TTN: variants seen among roughly 807,000 people sequenced by gnomAD.
TTN encodes connectin.
TTN carries 1,525 observed loss-of-function variants against 3,223.0 expected under a neutral mutation model. The observed-to-expected ratio is 0.47, with a 90% CI of 0.45 to 0.49. The LOEUF is 0.49. TTN is among the 20% of genes least tolerant of loss of function. TTN has a pLI of 0.00. For synonymous variants in TTN, 14,094 were observed against 15,161.0 expected (o/e 0.93, Z 5.17); for missense variants, 40,786 against 43,424.0 (o/e 0.94, Z 5.40).
chr2:178,799,249 C>T, intron 6 of TTN: 1 of 562,816 alleles, frequency 1.8e-6, no homozygotes, highest in Non-Finnish European at 3.1e-6. Context: ...CACCCTATGC[C>T]TATAAAAACC....
At position 178,548,273 on chromosome 2, in the gene TTN, C is replaced by T. The variant is rs763830779; in HGVS notation, c.93353G>A (p.Arg31118Lys). ...GCTAGTATCAACAACATCAAGTCTC[C>T]TAGGTGGAGCAGGCTGTTCTGTGGC... ...IVATEQPAPP[R>K]RLDVVDTSKS... The change falls in exon 339 of 363, where the codon AGG (arginine) becomes AAG (lysine). Residue 31118 changes from arginine (R) to lysine (K), a missense_variant. Transcript: ENST00000589042. This position sits in a 1 kb window ranked among gnomAD's most constrained non-coding sequence, Gnocchi z 4.3. 1 of 1,613,832 alleles carries T rather than the reference C, an allele frequency of 6.2e-7. No individual in the cohort carries two copies. The highest frequency in any genetic ancestry group is 1.1e-5 in the South Asian group (1 of 91,084).
rs1401417355 is a variant in TTN at position 178,712,217 on chromosome 2, GTGGTTCTGCAGCCAAGAGAGATAA to G, written c.27608-19_27612del. On this transcript the variant is annotated splice_acceptor_variant and splice_polypyrimidine_tract_variant and coding_sequence_variant and intron_variant, in exon 96 of 363. Coordinates refer to ENST00000589042, the MANE Select transcript of TTN (RefSeq NM_001267550.2). LOFTEE classifies it high-confidence loss of function. ...GGCTCCAACTGCTTGACAAAATACG[GTGGTTCTGCAGCCAAGAGAGATAA>G]TCAATCAGTCATGAAGGAGACATGC... 6.2e-7 allele frequency: 1 copy of G among 1,612,696 alleles called. No homozygotes were observed. Among genetic ancestry groups the G allele is most frequent in the South Asian group, 1.1e-5 (1 of 90,988 alleles).
Position 178,636,408 on chromosome 2 carries a change from A to T in TTN, c.41319T>A (p.Leu13773=). 6.2e-7 allele frequency: 1 copy of T among 1,603,702 alleles called. No individual in the cohort carries two copies. The highest frequency in any genetic ancestry group is 8.5e-7 in the Non-Finnish European group (1 of 1,174,294). The change falls in exon 225 of 363, where the codon CTT becomes CTA. Residue 13773 remains leucine, a synonymous_variant. Coordinates refer to ENST00000589042, the MANE Select transcript of TTN (RefSeq NM_001267550.2). The surrounding 1 kb of genome is among the most constrained non-coding windows in gnomAD (Gnocchi z 4.3). ...AAGACTAGAAATTACCTTCTACAACAAGTTTAGCCGTGGAGGTCTTTTCTT... is the reference window on the plus strand; with the variant it reads ...AAGACTAGAAATTACCTTCTACAACTAGTTTAGCCGTGGAGGTCTTTTCTT... ...GNKEKTSTAK[L]VVEELPVRFV...
intron 247 of TTN, 33 bp downstream of exon 247, chr2:178,620,682 G>GA (rs754989313): frequency 6.2e-7 from 1 of 1,604,340 alleles, no homozygotes. Context: ...AGAAACTGAT[G>GA]AAAAAATCTC....
In TTN at chr2:178,717,384, T is replaced by G; in HGVS notation, c.25352-2A>C. The stretch of plus-strand genomic sequence containing the variant: ...CAAAGAAAGGAGGCACTTCATGCTC[T>G]GAAAAGAATGAAGACCAACATGGTG... On this transcript the variant is annotated splice_acceptor_variant, in intron 87 of 362. Transcript: ENST00000589042. LOFTEE classifies it high-confidence loss of function. The G allele has an allele frequency of 6.2e-7, 1 of 1,601,540 alleles. No individual in the cohort carries two copies. The highest frequency in any genetic ancestry group is 8.5e-7 in the Non-Finnish European group (1 of 1,172,026).
chr2:178,710,756 A>G lies in TTN; in HGVS notation c.28341T>C (p.Tyr9447=), dbSNP rs2076534032. The G allele has an allele frequency of 2.5e-6, 4 of 1,613,906 alleles. No individual in the cohort carries two copies. The highest frequency in any genetic ancestry group is 3.4e-6 in the Non-Finnish European group (4 of 1,179,836). ...CTGTCAGGTGGGCGCTGTTTTCCAGATAACTAATCTGGTACTTTCCGCCAC... is the reference window on the plus strand; with the variant it reads ...CTGTCAGGTGGGCGCTGTTTTCCAGGTAACTAATCTGGTACTTTCCGCCAC... The part of the protein sequence containing the change: ...IRSGGKYQIS[Y]LENSAHLTVL... The change falls in exon 98 of 363, where the codon TAT becomes TAC. Residue 9447 remains tyrosine (Y), a synonymous_variant. Coordinates refer to ENST00000589042, the MANE Select transcript of TTN (RefSeq NM_001267550.2).
rs764048936 is a variant in TTN, at chr2:178,580,328, C to A, written c.67051G>T (p.Val22351Leu). Reference sequence around the variant, plus strand: ...TTTTTTGAAATAGACTTACCAAGCACTTTCACAACAATGGTATATTCCTTT... The same window carrying A: ...TTTTTTGAAATAGACTTACCAAGCAATTTCACAACAATGGTATATTCCTTT... Reference protein sequence around the residue: ...GKKEYTIVVKVLDTPGPPVNV... With the variant: ...GKKEYTIVVKLLDTPGPPVNV... Residue 22351 changes from valine to leucine, a missense_variant, in exon 317 of 363, where the codon GTG becomes TTG. Val to Leu is a conservative substitution (Grantham distance 32, BLOSUM62 1). Transcript: ENST00000589042. 12 of 1,612,326 alleles carry A rather than the reference C, an allele frequency of 7.4e-6. No homozygotes were observed. The highest frequency in any genetic ancestry group is 8.5e-6 in the Non-Finnish European group (10 of 1,179,242).
chr2:178,578,125 G>T lies in TTN; in HGVS notation c.68390C>A (p.Pro22797Gln). The T allele has an allele frequency of 1.2e-6, 2 of 1,613,056 alleles. No homozygotes were observed. Among genetic ancestry groups the T allele is most frequent in the East Asian group, 2.2e-5 (1 of 44,774 alleles). ...CACTTTAAAGTCTCTCATCCTTATC[G>T]GAGTCTTGTTAGCTCTCTTCCACAA... Reference protein sequence around the residue: ...SLLWKRANKTPIRMRDFKVTG... With the variant: ...SLLWKRANKTQIRMRDFKVTG... Residue 22797 changes from proline to glutamine, a missense_variant, in exon 322 of 363, where the codon CCG (proline) becomes CAG (glutamine). Coordinates refer to ENST00000589042, the MANE Select transcript of TTN (RefSeq NM_001267550.2).
At position 178,572,463 on chromosome 2, in the gene TTN, C is replaced by T. The variant is rs747530483; in HGVS notation, c.73669G>A (p.Glu24557Lys). The change falls in exon 326 of 363, where the codon GAA becomes AAA. Residue 24557 changes from glutamate to lysine, a missense_variant. Glu to Lys is a moderately conservative substitution (Grantham distance 56). Coordinates refer to ENST00000589042, the MANE Select transcript of TTN (RefSeq NM_001267550.2). Reference protein sequence around the residue: ...GGSKIKNYIVEKRESTRKAYS... With the variant: ...GGSKIKNYIVKKRESTRKAYS... ...GCTTTTCTTGTTGATTCCCGCTTTT[C>T]AACAATATAGTTCTTGATTTTTGAA... 9 of 1,612,562 alleles carry T rather than the reference C, an allele frequency of 5.6e-6. No homozygotes were observed. Among genetic ancestry groups the T allele is most frequent in the Non-Finnish European group, 7.6e-6 (9 of 1,178,958 alleles).
At chr2:178,689,454 C>T in intron 123 of TTN, 61 bp downstream of exon 123, 4 of 1,601,800 alleles carry the variant, frequency 2.5e-6, no homozygotes, top group Non-Finnish European at 3.4e-6. Flanking sequence ...TTAAAGAAGA[C>T]ATGCAATTAA....
In TTN at chr2:178,540,340, A is replaced by T; in HGVS notation, c.97826T>A (p.Val32609Asp). ...APPGKPQNPRVTDTTRTSVSL... is the reference protein window; with the variant it reads ...APPGKPQNPRDTDTTRTSVSL... ...GACTGATGTCCTTGTTGTATCAGTA[A>T]CTCTTGGGTTTTGTGGCTTTCCTGG... Residue 32609 changes from valine (V) to aspartate (D), a missense_variant, in exon 351 of 363, where the codon GTT (valine) becomes GAT (aspartate). Coordinates refer to ENST00000589042, the MANE Select transcript of TTN (RefSeq NM_001267550.2). 6.2e-7 allele frequency: 1 copy of T among 1,613,036 alleles called. No individual in the cohort carries two copies. Among genetic ancestry groups the T allele is most frequent in the South Asian group, 1.1e-5 (1 of 91,024 alleles).
At chr2:178,746,566 T>A in intron 47 of TTN, 1 of 1,613,234 alleles carries the variant, frequency 6.2e-7, no homozygotes, top group Non-Finnish European at 8.5e-7. Context: ...GTGCCACCAC[T>A]CTTTCTTCCT....
At chr2:178,751,110 G>A (rs199879851) in intron 47 of TTN, 463 of 1,612,688 alleles carry the variant, frequency 2.9e-4, no homozygotes, top group Non-Finnish European at 1.1e-4. Flanking sequence ...TCAGCTGAAT[G>A]ATCTACCTTA....
Position 178,543,853 on chromosome 2 carries a change from T to C in TTN, c.96291A>G (p.Thr32097=). Residue 32097 remains threonine, a synonymous_variant, in exon 346 of 363, where the codon ACA becomes ACG. Transcript: ENST00000589042. ...GCTTACCATAGACTTTAACAAGGAC[T>C]GTTGCTGATTTCTTGCCAGATTGGT... ...AENQSGKKSA[T]VLVKVYDTPG... is the part of the protein sequence containing the mutation. 6.2e-7 allele frequency: 1 copy of C among 1,613,718 alleles called. No individual in the cohort carries two copies. The highest frequency in any genetic ancestry group is 8.5e-7 in the Non-Finnish European group (1 of 1,179,696).
intron 218 of TTN, 117 bp from the exon 219 acceptor site, chr2:178,642,434 T>C: frequency 1.3e-6 from 1 of 782,990 alleles, no homozygotes; most frequent in Admixed American, 2.9e-5. Context: ...CAATTTTCGC[T>C]GCATATAAAT....
Position 178,546,734 on chromosome 2 carries a change from G to T in TTN, c.94694C>A (p.Ser31565Tyr), listed in dbSNP as rs1354829063. 9.9e-6 allele frequency: 16 copies of T among 1,613,786 alleles called. No individual in the cohort carries two copies. Among genetic ancestry groups the T allele is most frequent in the Non-Finnish European group, 1.4e-5 (16 of 1,179,750 alleles). ...AGCAGTCACGGTGAAGAAATTGTCA[G>T]ATACAATGGTGTAGTTGCACTTCAG... ...RWLKCNYTIV[S>Y]DNFFTVTALS... is the part of the protein sequence containing the mutation. Residue 31565 changes from serine to tyrosine, a missense_variant, in exon 341 of 363, where the codon TCT becomes TAT. Transcript: ENST00000589042.
rs768666860 is a variant in TTN at position 178,593,865 on chromosome 2, G to A, written c.58435C>T (p.Arg19479Cys). The change falls in exon 298 of 363, where the codon CGT (arginine) becomes TGT (cysteine). Residue 19479 changes from arginine (R) to cysteine (C), a missense_variant and splice_region_variant. Transcript: ENST00000589042. ...KGFCQVNVVD[R>C]PGPPVGPVSF... ...ACTGGTCCTACTGGTGGTCCAGGAC[G>A]GTCTGCAGAAAAAAAAAATCATGGC... 10 of 1,607,984 alleles carry A rather than the reference G, an allele frequency of 6.2e-6. No individual in the cohort carries two copies. The Middle Eastern group carries it at 6.6e-4, about 106-fold the overall frequency.
rs969302991 is a variant in TTN, at chr2:178,574,347, C to T, written c.71785G>A (p.Gly23929Arg). 49 of 1,613,364 alleles carry T rather than the reference C, an allele frequency of 3.0e-5. No individual in the cohort carries two copies. The highest frequency in any genetic ancestry group is 5.0e-5 in the Admixed American group (3 of 59,964). Residue 23929 changes from glycine (G) to arginine (R), a missense_variant, in exon 326 of 363, where the codon GGA becomes AGA. Gly to Arg is a moderately radical substitution (Grantham distance 125). Transcript: ENST00000589042. Reference sequence around the variant, plus strand: ...GTAATATTTAGAGGTACTGGTTTTCCAGGTGGGTCAATGGGATCCAGAGCC... The same window carrying T: ...GTAATATTTAGAGGTACTGGTTTTCTAGGTGGGTCAATGGGATCCAGAGCC... ...MLALDPIDPP[G>R]KPVPLNITRH... is the part of the protein sequence containing the mutation.
chr2:178,647,987 C>T (rs909396529), intron 213 of TTN, among the ~76,000 whole-genome samples: 24 of 152,124 alleles, frequency 1.6e-4, no homozygotes, highest in Admixed American at 4.6e-4. Flanking sequence ...TCAGAGGCCA[C>T]TAAGTCTCCA....
Sources: allele counts gnomAD v4.1 joint callset (sites outside exome capture counted in the v4.1 genomes callset), GRCh38; gene constraint gnomAD v4.1.1; non-coding constraint Gnocchi (gnomAD v3.1); transcripts MANE v1.5; gene names NCBI Gene and HGNC (gene_info 2026-07-23, HGNC 2026-07-21).